Variants in CDCA2 observed in about 807,000 individuals in gnomAD.
The protein encoded by CDCA2 is cell division cycle associated 2.
CDCA2 carries 44 observed loss-of-function variants against 67.0 expected under a neutral mutation model. That is an observed-to-expected ratio of 0.66 (90% CI 0.52 to 0.84). CDCA2 has a LOEUF of 0.84. CDCA2 is among the 40% of genes least tolerant of loss of function. The pLI is 0.00. For missense variants in CDCA2, 1,253 were observed against 1,203.2 expected, an observed-to-expected ratio of 1.04 and a Z score of -0.61; for synonymous variants, 447 against 418.7, an observed-to-expected ratio of 1.07 and a Z score of -0.82.
chr8:25,471,795 G>A (rs1187497314), intron 7 of CDCA2, among the ~76,000 whole-genome samples: 1 of 152,200 alleles, frequency 6.6e-6, no homozygotes, highest in African/African-American at 2.4e-5. Context: ...ACTCTACAAT[G>A]TGAAATGTTG....
Position 25,479,917 on chromosome 8 carries a change from A to G in CDCA2, c.825A>G (p.Leu275=), listed in dbSNP as rs1011301057. ...LSELTETSNA[L]KVADCVVGKG... Reference sequence around the variant, plus strand: ...GTTTACATGTTTATCTTGAAGCACTAAAGGTTGCTGACTGTGTAGTGGGCA... The same window carrying G: ...GTTTACATGTTTATCTTGAAGCACTGAAGGTTGCTGACTGTGTAGTGGGCA... The change falls in exon 8 of 15, where the codon CTA becomes CTG. Residue 275 remains leucine, a synonymous_variant. Transcript: ENST00000330560. 1.2e-6 allele frequency: 2 copies of G among 1,614,122 alleles called. No homozygotes were observed.
At chr8:25,504,479 A>T (rs1410918597) in intron 14 of CDCA2, among the ~76,000 whole-genome samples, 1 of 151,982 alleles carries the variant, frequency 6.6e-6, no homozygotes, top group East Asian at 1.9e-4. Context: ...GTATAGAATC[A>T]TTTTTCAAAT....
chr8:25,489,715 A>G (rs1341430513), intron 13 of CDCA2, among the ~76,000 whole-genome samples: 2 of 152,240 alleles, frequency 1.3e-5, no homozygotes, highest in African/African-American at 4.8e-5. Flanking sequence ...ACTCCTGTAC[A>G]GTCTCTAAGG....
chr8:25,505,083 A>G (rs912581666), intron 14 of CDCA2, among the ~76,000 whole-genome samples: 2 of 152,186 alleles, frequency 1.3e-5, no homozygotes, highest in Non-Finnish European at 2.9e-5. Flanking sequence ...AAAGCAATTC[A>G]GCTCCTTGCT....
chr8:25,493,023 G>A (rs1358161142), intron 13 of CDCA2, among the ~76,000 whole-genome samples: 1 of 152,130 alleles, frequency 6.6e-6, no homozygotes, highest in Non-Finnish European at 1.5e-5. Flanking sequence ...GGAAATGGAT[G>A]TTAGAAGCTT....
At chr8:25,506,298 C>T (rs1379276752) in intron 14 of CDCA2, among the ~76,000 whole-genome samples, 3 of 152,120 alleles carry the variant, frequency 2.0e-5, no homozygotes, top group Non-Finnish European at 2.9e-5. Context: ...TTAATTCATG[C>T]GTTGAATACC....
At chr8:25,480,741 C>T (rs929830772) in intron 8 of CDCA2, among the ~76,000 whole-genome samples, 5 of 152,152 alleles carry the variant, frequency 3.3e-5, no homozygotes, top group African/African-American at 1.2e-4. Flanking sequence ...TGTTAAAATC[C>T]ATGACAGGCT....
At chr8:25,463,940 C>T (rs907969592) in intron 4 of CDCA2, among the ~76,000 whole-genome samples, 4 of 152,194 alleles carry the variant, frequency 2.6e-5, no homozygotes, top group Non-Finnish European at 5.9e-5. Flanking sequence ...GTGACATCTT[C>T]CCTTAGACCT....
Position 25,484,200 on chromosome 8 carries a change from G to A in CDCA2, c.1355G>A (p.Gly452Glu), listed in dbSNP as rs140500504. 1.5e-5 allele frequency: 24 copies of A among 1,613,734 alleles called. No individual in the cohort carries two copies. In the African/African-American group the frequency reaches 2.5e-4, roughly 17 times the overall value. The part of the protein sequence containing the change: ...PLPQPDFDDK[G>E]ENLENIEPLQ... ...CCTCAACCAGATTTTGATGACAAGG[G>A]GGAGAATCTTGTAAGTATGAAAAGC... is the stretch of plus-strand genomic sequence containing the variant. Residue 452 changes from glycine (G) to glutamate (E), a missense_variant, in exon 10 of 15, where the codon GGG (glycine) becomes GAG (glutamate). Gly to Glu is a moderately conservative substitution (Grantham distance 98, BLOSUM62 -2). Coordinates refer to ENST00000330560, the MANE Select transcript of CDCA2 (RefSeq NM_152562.4).
chr8:25,461,904 A>G (rs1382032471), intron 3 of CDCA2, 150 bp from the exon 4 acceptor site: 2 of 684,314 alleles, frequency 2.9e-6, no homozygotes, highest in Non-Finnish European at 2.5e-6. Flanking sequence ...CTGATTGTAT[A>G]TGAATGACTG....
rs984876570 is a variant in CDCA2 at position 25,459,298 on chromosome 8, G to A, written c.-176G>A. Reference sequence around the variant, plus strand: ...AGGCTGTGAGTCCAGGTCAGCCGTCGGGACCTCGGGCTCCGGGTTCGAAGA... The same window carrying A: ...AGGCTGTGAGTCCAGGTCAGCCGTCAGGACCTCGGGCTCCGGGTTCGAAGA... On this transcript the variant is annotated 5_prime_UTR_variant, in exon 1 of 15. Coordinates refer to ENST00000330560, the MANE Select transcript of CDCA2 (RefSeq NM_152562.4). 1.3e-5 allele frequency: 2 copies of A among 152,370 alleles called. No homozygotes were observed. The highest frequency in any genetic ancestry group is 6.5e-5 in the Admixed American group (1 of 15,272). The allele number at this position is 152,370 out of a possible 1,614,324, so 9.4% of individuals were successfully genotyped here.
intron 7 of CDCA2, among the ~76,000 whole-genome samples, chr8:25,478,087 C>T (rs1803420427): frequency 1.3e-5 from 2 of 151,676 alleles, no homozygotes; most frequent in South Asian, 4.2e-4. Context: ...CTACCATGCC[C>T]AGCTAATTTT....
chr8:25,490,512 G>A (rs759804679), intron 13 of CDCA2, among the ~76,000 whole-genome samples: 11 of 152,014 alleles, frequency 7.2e-5, no homozygotes, highest in Non-Finnish European at 1.3e-4. Context: ...AATGTGCTAG[G>A]AGGGAGCTAG....
rs113799371 is a variant in CDCA2 at position 25,506,585 on chromosome 8, G to C, written c.1919G>C (p.Arg640Pro). The change falls in exon 15 of 15, where the codon CGT (arginine) becomes CCT (proline). Residue 640 changes from arginine to proline, a missense_variant. Arg to Pro is a moderately radical substitution (Grantham distance 103, BLOSUM62 -2). Transcript: ENST00000330560. Reference sequence around the variant, plus strand: ...CCAGTGAAAAGAAAGGATCTTTTGCGTCATGACCCAGATTTGCATATGCAT... The same window carrying C: ...CCAGTGAAAAGAAAGGATCTTTTGCCTCATGACCCAGATTTGCATATGCAT... ...KNPVKRKDLL[R>P]HDPDLHMHQG... 2,103 of 1,605,328 alleles carry C rather than the reference G, an allele frequency of 1.3e-3. 3 individuals carry two copies. Among genetic ancestry groups the C allele is most frequent in the Non-Finnish European group, 1.5e-3 (1,821 of 1,177,926 alleles).
chr8:25,497,510 A>T (rs1391554009), intron 13 of CDCA2, among the ~76,000 whole-genome samples: 6 of 94,326 alleles, frequency 6.4e-5, no homozygotes, highest in East Asian at 7.0e-4. Context: ...AAAAAATAAA[A>T]AAAAAAAAAA....
intron 12 of CDCA2, among the ~76,000 whole-genome samples, chr8:25,488,141 G>A (rs1803854316): frequency 6.6e-6 from 1 of 151,952 alleles, no homozygotes; most frequent in Non-Finnish European, 1.5e-5. Context: ...ATACTGTTAT[G>A]GGGTATTTAG....
At chr8:25,503,148 G>A (rs947881487) in intron 13 of CDCA2, among the ~76,000 whole-genome samples, 1 of 152,020 alleles carries the variant, frequency 6.6e-6, no homozygotes, top group Admixed American at 6.6e-5. Context: ...GCCAGTCGTG[G>A]TGGTATGTAC....
intron 7 of CDCA2, among the ~76,000 whole-genome samples, chr8:25,476,601 G>A (rs2117503089): frequency 1.3e-5 from 2 of 150,688 alleles, no homozygotes; most frequent in Non-Finnish European, 3.0e-5. Context: ...CGCCCAGGCT[G>A]TAGTGCAATG....
Position 25,459,363 on chromosome 8 carries a change from C to T in CDCA2, c.-111C>T, listed in dbSNP as rs1050515067. 6.6e-6 allele frequency: 1 copy of T among 152,280 alleles called. No individual in the cohort carries two copies. The highest frequency in any genetic ancestry group is 1.5e-5 in the Non-Finnish European group (1 of 68,130). 9.4% of individuals were successfully genotyped at this position (152,280 alleles called of 1,614,324 possible). A position where few individuals can be genotyped will look rare whatever the true frequency, so the allele number is the denominator to read the frequency against. On this transcript the variant is annotated 5_prime_UTR_variant, in exon 1 of 15. Coordinates refer to ENST00000330560, the MANE Select transcript of CDCA2 (RefSeq NM_152562.4). ...CGGGTGCTTTGCCAGGAGAGCCCTTCCGGACAGAGGAGCCGGGGTCTGGAA... is the reference window on the plus strand; with the variant it reads ...CGGGTGCTTTGCCAGGAGAGCCCTTTCGGACAGAGGAGCCGGGGTCTGGAA...
Sources: gnomAD v4.1 joint callset for allele counts (sites outside exome capture counted in the v4.1 genomes callset) on GRCh38, gnomAD v4.1.1 for gene constraint, MANE v1.5 for transcripts, NCBI Gene and HGNC (gene_info 2026-07-23, HGNC 2026-07-21) for gene names.